NT5DC1: variants seen among roughly 807,000 people sequenced by gnomAD.
NT5DC1 encodes 5'-nucleotidase domain-containing protein 1.
Under a neutral mutation model 59.4 loss-of-function variants are expected in NT5DC1, and 42 were observed. That is an observed-to-expected ratio of 0.71 (90% CI 0.55 to 0.92). The LOEUF (loss-of-function observed/expected upper bound fraction) is 0.92. Ranked by LOEUF, NT5DC1 falls within the 40% of genes least tolerant of loss-of-function variation. The pLI, the probability that NT5DC1 is intolerant of heterozygous loss-of-function variation, is 0.00. For synonymous variants in NT5DC1, 172 were observed against 188.1 expected (o/e 0.91, Z 0.70); for missense variants, 501 against 537.1 (o/e 0.93, Z 0.66).
At chr6:116,103,663 G>A (rs1778707468) in intron 1 of NT5DC1, among the ~76,000 whole-genome samples, 1 of 152,134 alleles carries the variant, frequency 6.6e-6, no homozygotes, top group African/African-American at 2.4e-5. Context: ...ATGGAGAGCT[G>A]TGAGTGCGTC....
In NT5DC1 at chr6:116,218,803, C is replaced by A. The variant is rs180880226; in HGVS notation, c.530-2251C>A. Among the ~76,000 whole-genome samples the A allele has an allele frequency of 5.1e-3, 769 of 151,392 alleles. 10 individuals carry two copies. The highest frequency in any genetic ancestry group is 0.017 in the African/African-American group (690 of 40,902). ...ATTCTCATATTGCAAAATATTATTT[C>A]TTTTGTTAGTTTTGGTCTGGTTATG... is the stretch of plus-strand genomic sequence containing the variant. On this transcript the variant is annotated intron_variant, in intron 6 of 11. Coordinates refer to ENST00000319550, the MANE Select transcript of NT5DC1 (RefSeq NM_152729.3).
intron 6 of NT5DC1, among the ~76,000 whole-genome samples, chr6:116,182,117 G>GTT (rs1438641638): frequency 1.3e-5 from 2 of 151,770 alleles, no homozygotes; most frequent in African/African-American, 4.8e-5. Context: ...GAGAACATTG[G>GTT]TTTTCCATTC....
In NT5DC1 at chr6:116,122,077, A is replaced by G. The variant is rs1320034784; in HGVS notation, c.529+4132A>G. ...ACGATATTTCAGCATCATTTATTCCATGTAGACAGAACAGTCTGAAATGGT... is the reference window on the plus strand; with the variant it reads ...ACGATATTTCAGCATCATTTATTCCGTGTAGACAGAACAGTCTGAAATGGT... On this transcript the variant is annotated intron_variant, in intron 6 of 11. Transcript: ENST00000319550. The G allele has an allele frequency of 3.2e-6, 3 of 927,062 alleles. No homozygotes were observed. In the African/African-American group the frequency reaches 4.8e-5, roughly 15 times the overall value. 57.4% of individuals were successfully genotyped at this position (927,062 alleles called of 1,614,324 possible).
chr6:116,206,208 C>T (rs927390840), intron 6 of NT5DC1, among the ~76,000 whole-genome samples: 1 of 152,088 alleles, frequency 6.6e-6, no homozygotes, highest in East Asian at 1.9e-4. Context: ...TGGCCCATAG[C>T]ATTTCGTGGT....
chr6:116,110,359 C>G (rs1778849152), intron 3 of NT5DC1, among the ~76,000 whole-genome samples: 1 of 152,164 alleles, frequency 6.6e-6, no homozygotes, highest in Non-Finnish European at 1.5e-5. Context: ...GCAGGTTGCT[C>G]CTCATCTTGT....
chr6:116,121,896 G>C (rs1417438111), intron 6 of NT5DC1: 1 of 1,613,890 alleles, frequency 6.2e-7, no homozygotes, highest in South Asian at 1.1e-5. Context: ...GAAGGACCTG[G>C]GTGCCCTCGA....
intron 6 of NT5DC1, among the ~76,000 whole-genome samples, chr6:116,153,930 AAGTAC>A (rs1327571032): frequency 6.6e-6 from 1 of 152,190 alleles, no homozygotes; most frequent in Non-Finnish European, 1.5e-5. Flanking sequence ...AAGATTTTTC[AAGTAC>A]CATTGCAGTG....
chr6:116,105,008 G>A (rs959611060), intron 1 of NT5DC1, among the ~76,000 whole-genome samples: 1 of 152,184 alleles, frequency 6.6e-6, no homozygotes, highest in Non-Finnish European at 1.5e-5. Flanking sequence ...GTTAAGAACT[G>A]TTGATATATA....
chr6:116,115,694 A>C lies in NT5DC1; in HGVS notation c.368A>C (p.Lys123Thr), dbSNP rs2114261607. The C allele has an allele frequency of 6.4e-7, 1 of 1,563,422 alleles. No homozygotes were observed. Among genetic ancestry groups the C allele is most frequent in the Non-Finnish European group, 8.8e-7 (1 of 1,134,160 alleles). The change falls in exon 5 of 12, where the codon AAG (lysine) becomes ACG (threonine). Residue 123 changes from lysine to threonine, a missense_variant. Lys to Thr is a moderately conservative substitution (Grantham distance 78). Coordinates refer to ENST00000319550, the MANE Select transcript of NT5DC1 (RefSeq NM_152729.3). ...SDTGMACRSG[K>T]YYFYDNYFDL... ...TTAAAATTTTGTTCTTTTTTAGGAA[A>C]GTATTACTTTTACGACAACTACTTT...
chr6:116,183,646 A>T (rs527496940), intron 6 of NT5DC1, among the ~76,000 whole-genome samples: 90 of 146,694 alleles, frequency 6.1e-4, no homozygotes, highest in Admixed American at 2.2e-3. Context: ...TTATTTTATT[A>T]TTTTTTTTTT....
chr6:116,120,682 A>T (rs1458723567), intron 6 of NT5DC1: 3 of 1,546,896 alleles, frequency 1.9e-6, no homozygotes, highest in Non-Finnish European at 2.6e-6. Context: ...TTGCTATGCC[A>T]GCTGGGCCAG....
At chr6:116,165,458 C>G (rs1018636526) in intron 6 of NT5DC1, among the ~76,000 whole-genome samples, 1 of 152,198 alleles carries the variant, frequency 6.6e-6, no homozygotes, top group Non-Finnish European at 1.5e-5. Context: ...CTTCTTCTTT[C>G]TCAGGAATAC....
chr6:116,189,181 C>T (rs1280512360), intron 6 of NT5DC1, among the ~76,000 whole-genome samples: 1 of 151,588 alleles, frequency 6.6e-6, no homozygotes, highest in South Asian at 2.1e-4. Flanking sequence ...GTTGACCACT[C>T]TTGAGAAATT....
intron 6 of NT5DC1, among the ~76,000 whole-genome samples, chr6:116,155,749 C>T (rs1582840267): frequency 1.4e-5 from 2 of 142,464 alleles, no homozygotes; most frequent in South Asian, 2.2e-4. Flanking sequence ...ATGTACTTCT[C>T]CTTAAAAAAA....
At chr6:116,219,408 A>G (rs1781748421) in intron 6 of NT5DC1, among the ~76,000 whole-genome samples, 1 of 152,126 alleles carries the variant, frequency 6.6e-6, no homozygotes, top group Admixed American at 6.5e-5. Flanking sequence ...AGTTCTCCTC[A>G]GGTCTCATTT....
chr6:116,183,036 T>C (rs991427375), intron 6 of NT5DC1, among the ~76,000 whole-genome samples: 8 of 152,162 alleles, frequency 5.3e-5, no homozygotes, highest in African/African-American at 1.9e-4. Flanking sequence ...TCATCCATCT[T>C]AAGTTGATTT....
intron 6 of NT5DC1, among the ~76,000 whole-genome samples, chr6:116,178,052 A>AGTGTGT (rs61085607): frequency 0.04 from 5,437 of 136,144 alleles, 128 homozygotes; most frequent in Middle Eastern, 0.056. Context: ...CAAAGAGGAA[A>AGTGTGT]GTGTGTGTGT....
chr6:116,104,644 G>A (rs1048928549), intron 1 of NT5DC1, among the ~76,000 whole-genome samples: 1 of 152,156 alleles, frequency 6.6e-6, no homozygotes, highest in Non-Finnish European at 1.5e-5. Context: ...GTTTTGTTTT[G>A]TTTTGTTTTT....
In NT5DC1 at chr6:116,246,137, A is replaced by G. The variant is rs1276482110; in HGVS notation, c.*2113A>G. ...TTAAAAAGAAAATATTAAAGAAGTTATATGAAGCAAAAAAATTGTATAAAT... is the reference window on the plus strand; with the variant it reads ...TTAAAAAGAAAATATTAAAGAAGTTGTATGAAGCAAAAAAATTGTATAAAT... On this transcript the variant is annotated 3_prime_UTR_variant, in exon 12 of 12. Coordinates refer to ENST00000319550, the MANE Select transcript of NT5DC1 (RefSeq NM_152729.3). 1.3e-5 allele frequency: 2 copies of G among 152,196 alleles called. No individual in the cohort carries two copies. 9.4% of individuals were successfully genotyped at this position (152,196 alleles called of 1,614,324 possible).
Sources: gnomAD v4.1 joint callset for allele counts (sites outside exome capture counted in the v4.1 genomes callset) on GRCh38, gnomAD v4.1.1 for gene constraint, MANE v1.5 for transcripts, NCBI Gene and HGNC (gene_info 2026-07-23, HGNC 2026-07-21) for gene names.